GPR176: variants seen among roughly 807,000 people sequenced by gnomAD.
The protein encoded by GPR176 is G-protein coupled receptor 176.
GPR176 carries 26 observed loss-of-function variants against 35.4 expected under a neutral mutation model. The observed-to-expected ratio is 0.74, with a 90% CI of 0.54 to 1.02. GPR176 has a LOEUF of 1.02. GPR176 is among the 50% of genes least tolerant of loss of function. GPR176 has a pLI of 0.00. For synonymous variants in GPR176, 278 were observed against 271.3 expected (o/e 1.02, Z -0.24); for missense variants, 597 against 665.3 (o/e 0.90, Z 1.13).
rs147730816 is a variant in GPR176 at position 39,801,218 on chromosome 15, G to A, written c.1462C>T (p.Gln488Ter). The stretch of plus-strand genomic sequence containing the variant: ...CTGCCTACCTTGGGCACCTTTGTCT[G>A]GATCAGCTCTTCTGGGGTGTTGCCC... ...PLGNTPEELI[Q>*]TKVPKVGRVE... Residue 488 changes from glutamine (Q) to a stop codon, truncating the protein, a stop_gained, in exon 3 of 3, where the codon CAG becomes TAG. Transcript: ENST00000561100. LOFTEE classifies it high-confidence loss of function. 6.2e-7 allele frequency: 1 copy of A among 1,614,090 alleles called. No homozygotes were observed. The highest frequency in any genetic ancestry group is 8.5e-7 in the Non-Finnish European group (1 of 1,179,926).
chr15:39,909,652 C>T (rs892009036), intron 1 of GPR176, among the ~76,000 whole-genome samples: 2 of 152,180 alleles, frequency 1.3e-5, no homozygotes, highest in African/African-American at 4.8e-5. Flanking sequence ...CTATGTAGTT[C>T]TGGTTCTCAA....
chr15:39,851,992 T>A (rs1220829750), intron 1 of GPR176, among the ~76,000 whole-genome samples: 1 of 152,108 alleles, frequency 6.6e-6, no homozygotes, highest in African/African-American at 2.4e-5. Flanking sequence ...AGGAGTATCA[T>A]AAAGACATGT....
chr15:39,885,015 T>C (rs1457383127), intron 1 of GPR176, among the ~76,000 whole-genome samples: 1 of 152,242 alleles, frequency 6.6e-6, no homozygotes, highest in Non-Finnish European at 1.5e-5. Context: ...TCAAAAACCA[T>C]CAACTTAAAC....
At chr15:39,883,302 T>C (rs955744435) in intron 1 of GPR176, among the ~76,000 whole-genome samples, 2 of 152,194 alleles carry the variant, frequency 1.3e-5, no homozygotes, top group Admixed American at 1.3e-4. Flanking sequence ...TAGCTAAATA[T>C]TAGATATTTT....
chr15:39,818,311 A>T (rs1324030093), intron 1 of GPR176, among the ~76,000 whole-genome samples: 2 of 152,248 alleles, frequency 1.3e-5, no homozygotes, highest in African/African-American at 4.8e-5. Context: ...TTCTGAAATG[A>T]TGCAGAAAGT....
intron 1 of GPR176, among the ~76,000 whole-genome samples, chr15:39,871,545 A>C (rs1390865877): frequency 6.6e-6 from 1 of 152,196 alleles, no homozygotes; most frequent in East Asian, 1.9e-4. Flanking sequence ...CACTGCCTTT[A>C]ACAGAACTAG....
At position 39,920,066 on chromosome 15, in the gene GPR176, G is replaced by A. The variant is rs2033837509; in HGVS notation, c.-40C>T. 2.4e-6 allele frequency: 3 copies of A among 1,268,108 alleles called. No individual in the cohort carries two copies. Among genetic ancestry groups the A allele is most frequent in the South Asian group, 2.6e-5 (1 of 39,128 alleles). 78.6% of individuals were successfully genotyped at this position (1,268,108 alleles called of 1,614,324 possible). ...TCCGGCTCCGCGCGCCGCCCGCCTC[G>A]GAGCCCCGCGCGGAGCCTCTCCTCC... On this transcript the variant is annotated 5_prime_UTR_variant, in exon 1 of 3. The change creates a premature stop within an existing upstream ORF in the 5' untranslated region. Transcript: ENST00000561100.
chr15:39,813,045 CT>C (rs1456691678), intron 1 of GPR176, among the ~76,000 whole-genome samples: 21 of 152,080 alleles, frequency 1.4e-4, no homozygotes, highest in Non-Finnish European at 2.8e-4. Context: ...CTCTTCTCAG[CT>C]TTTTAAACTG....
At chr15:39,912,595 G>T (rs1333140046) in intron 1 of GPR176, among the ~76,000 whole-genome samples, 2 of 150,110 alleles carry the variant, frequency 1.3e-5, no homozygotes. Context: ...TCCAGCCTGG[G>T]TGACAGAGTG....
chr15:39,878,827 A>T (rs1463780972), intron 1 of GPR176, among the ~76,000 whole-genome samples: 14 of 152,252 alleles, frequency 9.2e-5, no homozygotes, highest in Admixed American at 9.2e-4. Context: ...TCTAAAGAAG[A>T]GAATAAAACA....
intron 1 of GPR176, among the ~76,000 whole-genome samples, chr15:39,861,764 T>C (rs902981651): frequency 2.0e-5 from 3 of 151,832 alleles, no homozygotes; most frequent in Admixed American, 6.6e-5. Flanking sequence ...AGCTGGAGAG[T>C]TGCTAGTATT....
chr15:39,853,933 A>ATTAT (rs1382887761), intron 1 of GPR176, among the ~76,000 whole-genome samples: 1 of 151,882 alleles, frequency 6.6e-6, no homozygotes, highest in Non-Finnish European at 1.5e-5. Context: ...CATCATCATA[A>ATTAT]TTATTATTAT....
chr15:39,829,107 G>A (rs1449073350), intron 1 of GPR176: 3 of 1,292,678 alleles, frequency 2.3e-6, no homozygotes, highest in Non-Finnish European at 3.2e-6. Flanking sequence ...AAGAAGCAGT[G>A]GAGCTGGCAT....
intron 1 of GPR176, among the ~76,000 whole-genome samples, chr15:39,825,938 GGGTT>G (rs1406174280): frequency 6.6e-6 from 1 of 152,178 alleles, no homozygotes; most frequent in African/African-American, 2.4e-5. Flanking sequence ...AGCTGGTTCA[GGGTT>G]GGATGGTTCT....
At chr15:39,891,288 T>C (rs1015235487) in intron 1 of GPR176, among the ~76,000 whole-genome samples, 5 of 152,368 alleles carry the variant, frequency 3.3e-5, no homozygotes, top group Middle Eastern at 3.4e-3. Flanking sequence ...TATATGATTC[T>C]ATACTACTCA....
chr15:39,819,431 T>C (rs1248295935), intron 1 of GPR176, among the ~76,000 whole-genome samples: 3 of 152,210 alleles, frequency 2.0e-5, no homozygotes, highest in African/African-American at 7.2e-5. Flanking sequence ...TGGTTTTATA[T>C]CTAGGGGTTG....
chr15:39,858,376 G>A (rs1248077990), intron 1 of GPR176, among the ~76,000 whole-genome samples: 2 of 152,182 alleles, frequency 1.3e-5, no homozygotes, highest in South Asian at 2.1e-4. Flanking sequence ...ACTGTTCTAT[G>A]AAAGATTGCA....
intron 1 of GPR176, among the ~76,000 whole-genome samples, chr15:39,869,374 A>G (rs548156737): frequency 3.3e-5 from 5 of 152,314 alleles, no homozygotes; most frequent in African/African-American, 1.2e-4. Context: ...TTGAAGCCAC[A>G]AGAGGCAATG....
intron 1 of GPR176, among the ~76,000 whole-genome samples, chr15:39,893,236 C>A (rs934821402): frequency 6.6e-6 from 1 of 152,120 alleles, no homozygotes; most frequent in Non-Finnish European, 1.5e-5. Context: ...TTTTCCTAGG[C>A]AGAGGGCCCT....
Sources: gnomAD v4.1 joint callset for allele counts (sites outside exome capture counted in the v4.1 genomes callset) on GRCh38, gnomAD v4.1.1 for gene constraint, MANE v1.5 for transcripts, NCBI Gene and HGNC (gene_info 2026-07-23, HGNC 2026-07-21) for gene names.